The following TPO variants were observed in gnomAD, a reference collection of about 807,000 sequenced individuals.
The protein encoded by TPO is thyroid peroxidase.
In TPO, 78 loss-of-function variants were observed where a neutral mutation model predicts 96.9. That is an observed-to-expected ratio of 0.81 (90% CI 0.67 to 0.97). TPO has a LOEUF of 0.97. TPO is among the 50% of genes least tolerant of loss of function. TPO has a pLI of 0.00. For missense variants in TPO, 1,252 were observed against 1,274.8 expected (o/e 0.98, Z 0.27); for synonymous variants, 547 against 538.0 (o/e 1.02, Z -0.23).
chr2:1,483,202 CA>C (rs1670807791), intron 8 of TPO, among the ~76,000 whole-genome samples: 1 of 152,184 alleles, frequency 6.6e-6, no homozygotes, highest in Non-Finnish European at 1.5e-5. Context: ...ATGAAGGGCG[CA>C]GGTTTCCTCT....
At position 1,428,002 on chromosome 2, in the gene TPO, C is replaced by T. The variant is rs114972962; in HGVS notation, c.179+4873C>T. Among the ~76,000 whole-genome samples, 949 of 152,294 alleles carry T rather than the reference C, an allele frequency of 6.2e-3. 11 individuals are homozygous for T. Among genetic ancestry groups the T allele is most frequent in the African/African-American group, 0.022 (912 of 41,578 alleles). ...AAGCTATTGGATGATGTCCCCAAACCGAGAGCGATCCAGAGAATTCGTGGG... is the reference window on the plus strand; with the variant it reads ...AAGCTATTGGATGATGTCCCCAAACTGAGAGCGATCCAGAGAATTCGTGGG... On this transcript the variant is annotated intron_variant, in intron 3 of 16. Transcript: ENST00000329066.
At chr2:1,396,640 A>G (rs1662084066) in intron 1 of TPO, among the ~76,000 whole-genome samples, 1 of 152,188 alleles carries the variant, frequency 6.6e-6, no homozygotes, top group Non-Finnish European at 1.5e-5. Context: ...ATGCGTGAGG[A>G]TGGGCATCGC....
rs751431444 is a variant in TPO, at chr2:1,436,316, GC to G, written c.419del (p.Pro140GlnfsTer69). The G allele has an allele frequency of 3.1e-6, 5 of 1,614,034 alleles. No individual in the cohort carries two copies. The highest frequency in any genetic ancestry group is 4.2e-6 in the Non-Finnish European group (5 of 1,180,034). The part of the protein sequence containing the change: ...NMSGCLPYML[P>X]PKCPNTCLAN... ...TGTCTGGATGTCTCCCTTACATGCT[GC>G]CCCCAAAATGCCCAAACACTTGCCT... On this transcript the variant is annotated frameshift_variant, in exon 5 of 17. Coordinates refer to ENST00000329066, the MANE Select transcript of TPO (RefSeq NM_001206744.2). LOFTEE classifies it high-confidence loss of function.
chr2:1,421,586 C>G (rs886498498), intron 2 of TPO, among the ~76,000 whole-genome samples: 1 of 152,210 alleles, frequency 6.6e-6, no homozygotes, highest in African/African-American at 2.4e-5. Context: ...GCGGTCGTGA[C>G]TGACCACAGA....
intron 6 of TPO, among the ~76,000 whole-genome samples, chr2:1,454,909 T>C (rs1270583591): frequency 2.6e-5 from 4 of 152,256 alleles, no homozygotes; most frequent in Non-Finnish European, 4.4e-5. Flanking sequence ...ATTTAGTGGC[T>C]GAAAACAACA....
chr2:1,541,898 C>T (rs1680808977), intron 16 of TPO: 2 of 158,452 alleles, frequency 1.3e-5, no homozygotes, highest in African/African-American at 2.4e-5. Context: ...ATCCTGTCCT[C>T]GGAGATAAGC....
chr2:1,434,000 C>T (rs1450885124), intron 4 of TPO, among the ~76,000 whole-genome samples: 2 of 152,168 alleles, frequency 1.3e-5, no homozygotes, highest in Admixed American at 1.3e-4. Flanking sequence ...TTGCAGGGAG[C>T]CCCATCTTCC....
Position 1,542,556 on chromosome 2 carries a change from G to GAAATCAGC in TPO, c.*84_*91dup. 6.3e-7 allele frequency: 1 copy of GAAATCAGC among 1,591,570 alleles called. No individual in the cohort carries two copies. The highest frequency in any genetic ancestry group is 8.6e-7 in the Non-Finnish European group (1 of 1,168,346). ...CTCTTTTCCAAACACAGGCAAATCC[G>GAAATCAGC]AAATCAGCAGGACGACTGTTTTCCC... On this transcript the variant is annotated 3_prime_UTR_variant, in exon 17 of 17. Transcript: ENST00000329066.
intron 1 of TPO, among the ~76,000 whole-genome samples, chr2:1,393,228 G>A (rs1051584240): frequency 6.6e-6 from 1 of 152,112 alleles, no homozygotes; most frequent in Non-Finnish European, 1.5e-5. Flanking sequence ...GGAGAGGAGA[G>A]GGAGGTTCTG....
chr2:1,499,946 C>G (rs1431064816), intron 13 of TPO, among the ~76,000 whole-genome samples: 2 of 152,234 alleles, frequency 1.3e-5, no homozygotes, highest in African/African-American at 2.4e-5. Flanking sequence ...GAGCGGGGTG[C>G]AGGCCTGTTG....
At chr2:1,477,003 G>C in intron 7 of TPO, 83 bp from the exon 8 acceptor site, 1 of 1,497,422 alleles carries the variant, frequency 6.7e-7, no homozygotes. Flanking sequence ...GCGCTGCGGG[G>C]TCGTCGCCGG....
rs74745153 is a variant in TPO, at chr2:1,440,167, C to T, written c.482+3783C>T. Among the ~76,000 whole-genome samples the T allele has an allele frequency of 5.1e-4, 40 of 78,796 alleles. No individual in the cohort carries two copies. The South Asian group carries it at 5.5e-3, about 11-fold the overall frequency. The allele number at this position is 78,796 out of a possible 152,430, so 51.7% of individuals were successfully genotyped here. A position where few individuals can be genotyped will look rare whatever the true frequency, so the allele number is the denominator to read the frequency against. ...CGTTTCCAATGTGCTGCGTTTCCAC[C>T]GTGCTGCGTTTCCACCGTGCTGCAT... On this transcript the variant is annotated intron_variant, in intron 5 of 16. Transcript: ENST00000329066.
chr2:1,473,053 T>A (rs971323551), intron 7 of TPO, among the ~76,000 whole-genome samples: 1 of 152,180 alleles, frequency 6.6e-6, no homozygotes, highest in African/African-American at 2.4e-5. Flanking sequence ...TAACTCTCTA[T>A]CTCTCACTTT....
intron 2 of TPO, among the ~76,000 whole-genome samples, chr2:1,416,904 C>T (rs1294370265): frequency 6.6e-6 from 1 of 152,238 alleles, no homozygotes; most frequent in Non-Finnish European, 1.5e-5. Flanking sequence ...AGCGGCAGGG[C>T]CAAGAGGATC....
chr2:1,413,690 T>C (rs1662587122), intron 1 of TPO, 145 bp downstream of exon 1: 1 of 984,826 alleles, frequency 1.0e-6, no homozygotes, highest in Non-Finnish European at 1.2e-6. Flanking sequence ...GACTGACTGA[T>C]GAGTGCTGTT....
At chr2:1,492,163 T>TG (rs1283418769) in intron 10 of TPO, among the ~76,000 whole-genome samples, 1 of 115,332 alleles carries the variant, frequency 8.7e-6, no homozygotes, top group African/African-American at 3.9e-5. Context: ...TTTTGTTTTT[T>TG]GTTTTTTTGA....
intron 1 of TPO, among the ~76,000 whole-genome samples, chr2:1,384,070 G>T (rs557965210): frequency 6.0e-4 from 92 of 152,232 alleles, no homozygotes; most frequent in African/African-American, 2.1e-3. Flanking sequence ...CTGTTCCATT[G>T]GTCTATATCT....
At position 1,503,252 on chromosome 2, in the gene TPO, A is replaced by G. The variant is rs28912992; in HGVS notation, c.2387-696A>G. Among the ~76,000 whole-genome samples the G allele has an allele frequency of 6.7e-3, 1,028 of 152,322 alleles. 8 individuals are homozygous for G. The highest frequency in any genetic ancestry group is 0.024 in the African/African-American group (985 of 41,566). On this transcript the variant is annotated intron_variant, in intron 13 of 16. Coordinates refer to ENST00000329066, the MANE Select transcript of TPO (RefSeq NM_001206744.2). ...CACCCAGGCCAGCTCTGTTCCCTCC[A>G]GACAGAGCAGCTCCTGGAAGAGCTC...
At chr2:1,501,999 C>G (rs1355554306) in intron 13 of TPO, among the ~76,000 whole-genome samples, 2 of 152,176 alleles carry the variant, frequency 1.3e-5, no homozygotes, top group Non-Finnish European at 2.9e-5. Flanking sequence ...TCCAAGGGAA[C>G]TCCCCGAGAG....
Sources: allele counts gnomAD v4.1 joint callset (sites outside exome capture counted in the v4.1 genomes callset), GRCh38; gene constraint gnomAD v4.1.1; transcripts MANE v1.5; gene names NCBI Gene and HGNC (gene_info 2026-07-23, HGNC 2026-07-21).